The following MAD1L1 variants were observed in gnomAD, a reference collection of about 807,000 sequenced individuals.
MAD1L1 encodes mitotic arrest deficient 1 like 1.
In MAD1L1, 95 loss-of-function variants were observed where a neutral mutation model predicts 96.9. That is an observed-to-expected ratio of 0.98 (90% CI 0.83 to 1.16). The LOEUF (loss-of-function observed/expected upper bound fraction) is 1.16, where lower values mean the gene tolerates loss of function less well. MAD1L1 is among the 50% of genes most tolerant of loss of function. The pLI is 0.00. For missense variants in MAD1L1, 1,007 were observed against 954.4 expected, an observed-to-expected ratio of 1.06 and a Z score of -0.73; for synonymous variants, 473 against 396.6, an observed-to-expected ratio of 1.19 and a Z score of -2.29.
chr7:1,964,152 A>G (rs1045501422), intron 15 of MAD1L1, among the ~76,000 whole-genome samples: 1 of 152,210 alleles, frequency 6.6e-6, no homozygotes, highest in African/African-American at 2.4e-5. Context: ...CCAGGGCTTC[A>G]TAGGGGAGTG....
chr7:1,836,854 T>C (rs903569473), intron 18 of MAD1L1, among the ~76,000 whole-genome samples: 2 of 151,964 alleles, frequency 1.3e-5, no homozygotes, highest in South Asian at 2.1e-4. Flanking sequence ...TTTAGAACTA[T>C]AAAACTTCTA....
chr7:2,044,829 C>T (rs1783848421), intron 12 of MAD1L1, among the ~76,000 whole-genome samples: 1 of 152,110 alleles, frequency 6.6e-6, no homozygotes. Context: ...TCCCCCGGGG[C>T]GTGGACACCC....
At chr7:2,186,705 G>A (rs1168761589) in intron 10 of MAD1L1, among the ~76,000 whole-genome samples, 1 of 152,174 alleles carries the variant, frequency 6.6e-6, no homozygotes, top group Non-Finnish European at 1.5e-5. Flanking sequence ...CGCCTTGAGG[G>A]ACTAAGCGCT....
chr7:1,874,367 G>A, intron 18 of MAD1L1: 2 of 371,430 alleles, frequency 5.4e-6, no homozygotes, highest in Non-Finnish European at 1.1e-5. Context: ...AGCGTCTCAG[G>A]AGGAGACGTT....
rs1031127180 is a variant in MAD1L1 at position 1,988,749 on chromosome 7, G to A, written c.1417-8208C>T. Reference sequence around the variant, plus strand: ...AAGCCTGGAGGACAGGATTCCCGGCGGCCAGGGCTGCCTTCCAGGGGCCCT... The same window carrying A: ...AAGCCTGGAGGACAGGATTCCCGGCAGCCAGGGCTGCCTTCCAGGGGCCCT... On this transcript the variant is annotated intron_variant, in intron 14 of 18. Transcript: ENST00000265854. Among the ~76,000 whole-genome samples, 102 of 152,204 alleles carry A rather than the reference G, an allele frequency of 6.7e-4. 1 individual carries two copies. Among genetic ancestry groups the A allele is most frequent in the Admixed American group, 6.4e-3 (98 of 15,290 alleles).
intron 11 of MAD1L1, among the ~76,000 whole-genome samples, chr7:2,107,145 C>A (rs1448109819): frequency 4.6e-5 from 7 of 152,208 alleles, no homozygotes; most frequent in Admixed American, 2.6e-4. Context: ...GAGGCAGGGC[C>A]AACATCCCTA....
chr7:1,892,859 C>T (rs1268435690), intron 18 of MAD1L1, among the ~76,000 whole-genome samples: 1 of 152,212 alleles, frequency 6.6e-6, no homozygotes, highest in Non-Finnish European at 1.5e-5. Flanking sequence ...ACGGTTTTGC[C>T]CCAAACTGCA....
At chr7:2,232,556 A>T (rs1794255276) in intron 1 of MAD1L1, among the ~76,000 whole-genome samples, 1 of 152,078 alleles carries the variant, frequency 6.6e-6, no homozygotes, top group African/African-American at 2.4e-5. Context: ...CGGGGCTGGG[A>T]CCACGAGCAC....
At chr7:2,229,883 T>C (rs2115028987) in intron 3 of MAD1L1, 101 bp downstream of exon 3, 2 of 1,289,008 alleles carry the variant, frequency 1.6e-6, no homozygotes, top group East Asian at 2.3e-5. Context: ...CTCTAGGCTC[T>C]GCTAATACCG....
At chr7:2,032,420 G>T (rs1308657243) in intron 12 of MAD1L1, among the ~76,000 whole-genome samples, 1 of 152,232 alleles carries the variant, frequency 6.6e-6, no homozygotes, top group African/African-American at 2.4e-5. Flanking sequence ...GGCTCTAATA[G>T]CTACCTAAAG....
chr7:2,040,235 C>T (rs924999200), intron 12 of MAD1L1, among the ~76,000 whole-genome samples: 1 of 152,154 alleles, frequency 6.6e-6, no homozygotes, highest in Non-Finnish European at 1.5e-5. Flanking sequence ...CTGAGTAGAC[C>T]CACAGAACAG....
intron 12 of MAD1L1, among the ~76,000 whole-genome samples, chr7:2,029,872 A>G (rs1463093342): frequency 6.6e-6 from 1 of 152,214 alleles, no homozygotes; most frequent in Non-Finnish European, 1.5e-5. Flanking sequence ...AGTTATGATT[A>G]CAATGAAATG....
At chr7:2,226,739 C>T (rs1200419788) in intron 3 of MAD1L1, among the ~76,000 whole-genome samples, 1 of 152,192 alleles carries the variant, frequency 6.6e-6, no homozygotes, top group African/African-American at 2.4e-5. Flanking sequence ...CCTGTAATCC[C>T]AGTACTTTGA....
intron 10 of MAD1L1, among the ~76,000 whole-genome samples, chr7:2,161,473 C>T (rs1417181249): frequency 2.0e-5 from 3 of 152,098 alleles, no homozygotes; most frequent in Non-Finnish European, 4.4e-5. Flanking sequence ...ACCTCCCAGC[C>T]GCCTGACTTG....
At chr7:1,879,749 GAGAC>G in intron 18 of MAD1L1, among the ~76,000 whole-genome samples, 1 of 152,238 alleles carries the variant, frequency 6.6e-6, no homozygotes, top group East Asian at 1.9e-4. Context: ...ATTTTCTTTT[GAGAC>G]GGAGTCTCAC....
intron 18 of MAD1L1, among the ~76,000 whole-genome samples, chr7:1,883,272 T>A (rs1041188597): frequency 3.9e-5 from 6 of 152,154 alleles, no homozygotes; most frequent in African/African-American, 9.7e-5. Context: ...ATCACAAATG[T>A]CCACCCCTTC....
intron 11 of MAD1L1, among the ~76,000 whole-genome samples, chr7:2,137,360 C>A (rs1026675185): frequency 2.0e-5 from 3 of 152,230 alleles, no homozygotes; most frequent in Non-Finnish European, 2.9e-5. Flanking sequence ...GACCCAAGCA[C>A]CCTCTTCTCA....
chr7:2,138,492 C>A (rs1697571327), intron 11 of MAD1L1, among the ~76,000 whole-genome samples: 1 of 152,206 alleles, frequency 6.6e-6, no homozygotes, highest in Admixed American at 6.5e-5. Context: ...ATCCTACTGA[C>A]AAAACGGAAG....
chr7:1,835,499 T>C (rs546400790), intron 18 of MAD1L1, among the ~76,000 whole-genome samples: 59 of 152,322 alleles, frequency 3.9e-4, no homozygotes, highest in African/African-American at 1.3e-3. Flanking sequence ...ACAAATGAAT[T>C]GTTTTTATAT....
Sources: gnomAD v4.1 joint callset for allele counts (sites outside exome capture counted in the v4.1 genomes callset) on GRCh38, gnomAD v4.1.1 for gene constraint, MANE v1.5 for transcripts, NCBI Gene and HGNC (gene_info 2026-07-23, HGNC 2026-07-21) for gene names.